ALCAM: variants seen among roughly 807,000 people sequenced by gnomAD.
ALCAM encodes activated leukocyte cell adhesion molecule, also known as CD166 antigen.
ALCAM carries 30 observed loss-of-function variants against 70.9 expected under a neutral mutation model. That is an observed-to-expected ratio of 0.42 (90% CI 0.32 to 0.57). The LOEUF (loss-of-function observed/expected upper bound fraction) is 0.57. Among genes scored for constraint, ALCAM ranks in the 20% least tolerant of loss-of-function variants. The pLI, the probability that ALCAM is intolerant of heterozygous loss-of-function variation, is 0.11. For synonymous variants in ALCAM, 249 were observed against 242.5 expected (o/e 1.03, Z -0.25); for missense variants, 591 against 695.1 (o/e 0.85, Z 1.68).
At chr3:105,448,113 C>T (rs1033641649) in intron 1 of ALCAM, among the ~76,000 whole-genome samples, 1 of 152,066 alleles carries the variant, frequency 6.6e-6, no homozygotes, top group Non-Finnish European at 1.5e-5. Context: ...AAAAATAAGA[C>T]ACATTAGCTA....
chr3:105,489,960 G>T (rs1269475169), intron 1 of ALCAM, among the ~76,000 whole-genome samples: 1 of 152,100 alleles, frequency 6.6e-6, no homozygotes, highest in Non-Finnish European at 1.5e-5. Context: ...TTCCAGTCAT[G>T]CCACTAACAC....
intron 6 of ALCAM, among the ~76,000 whole-genome samples, chr3:105,535,433 G>T (rs1001939405): frequency 3.9e-5 from 6 of 152,174 alleles, no homozygotes; most frequent in Middle Eastern, 6.8e-3. Context: ...TGCTTTCCTT[G>T]TAAGACAGGT....
At chr3:105,547,613 A>C (rs1940284417) in intron 11 of ALCAM, 90 bp downstream of exon 11, 1 of 1,498,318 alleles carries the variant, frequency 6.7e-7, no homozygotes, top group African/African-American at 1.4e-5. Flanking sequence ...GTTTGTTACC[A>C]CATAAAATTT....
chr3:105,529,709 G>GA (rs1364930280), intron 3 of ALCAM, among the ~76,000 whole-genome samples: 1 of 151,944 alleles, frequency 6.6e-6, no homozygotes, highest in Non-Finnish European at 1.5e-5. Flanking sequence ...TCATTTCATT[G>GA]AAAAAATAAG....
chr3:105,481,585 T>C (rs1938272771), intron 1 of ALCAM, among the ~76,000 whole-genome samples: 1 of 152,200 alleles, frequency 6.6e-6, no homozygotes, highest in African/African-American at 2.4e-5. Context: ...TAAGTTTTTC[T>C]TATCTTTTAT....
chr3:105,550,098 T>G (rs1326242283), intron 11 of ALCAM, 29 bp from the exon 12 acceptor site: 1 of 1,561,572 alleles, frequency 6.4e-7, no homozygotes, highest in African/African-American at 1.4e-5. Context: ...TTTTGATTTC[T>G]AAACCCACCT....
In ALCAM at chr3:105,550,275, C is replaced by T. The variant is rs369157455; in HGVS notation, c.1507+16C>T. On this transcript the variant is annotated intron_variant, in intron 12 of 15. Transcript: ENST00000306107. ...GTCTCTGCTAGTGAGTATTTTATTT[C>T]TGGCATTACAAAAGTAAGAAAATTT... 608 of 1,577,314 alleles carry T rather than the reference C, an allele frequency of 3.9e-4. No homozygotes were observed. The highest frequency in any genetic ancestry group is 4.8e-4 in the Non-Finnish European group (561 of 1,165,770).
intron 1 of ALCAM, among the ~76,000 whole-genome samples, chr3:105,483,698 T>A (rs1019589908): frequency 6.6e-6 from 1 of 151,980 alleles, no homozygotes; most frequent in Non-Finnish European, 1.5e-5. Flanking sequence ...GTTGGTATAA[T>A]CTAAACAACT....
chr3:105,400,292 T>C (rs1179788173), intron 1 of ALCAM, among the ~76,000 whole-genome samples: 5 of 152,292 alleles, frequency 3.3e-5, no homozygotes, highest in African/African-American at 1.2e-4. Context: ...ACTTTACTAT[T>C]AGGTTTTGAA....
At chr3:105,372,635 A>G (rs1025003922) in intron 1 of ALCAM, among the ~76,000 whole-genome samples, 2 of 152,114 alleles carry the variant, frequency 1.3e-5, no homozygotes, top group Non-Finnish European at 2.9e-5. Context: ...AGGTACTTCA[A>G]TGAACATGTC....
rs1939852058 is a variant in ALCAM at position 105,532,030 on chromosome 3, C to T, written c.423C>T (p.Ser141=). Residue 141 remains serine, a synonymous_variant, in exon 4 of 16, where the codon AGC becomes AGT. Transcript: ENST00000306107. ...FKQPSKPEIV[S]KALFLETEQL... ...AACCATCTAAACCTGAAATTGTAAG[C>T]AAAGCACTGTTTCTCGAAACAGAGC... 1 of 1,613,288 alleles carries T rather than the reference C, an allele frequency of 6.2e-7. No homozygotes were observed. The highest frequency in any genetic ancestry group is 1.3e-5 in the African/African-American group (1 of 74,876).
intron 1 of ALCAM, among the ~76,000 whole-genome samples, chr3:105,449,640 T>G (rs1353340725): frequency 6.6e-6 from 1 of 152,170 alleles, no homozygotes. Flanking sequence ...CTATTAGCAA[T>G]CCCTCGTCCC....
intron 15 of ALCAM, 71 bp downstream of exon 15, chr3:105,572,035 C>T: frequency 1.2e-6 from 1 of 856,434 alleles, no homozygotes; most frequent in Admixed American, 2.7e-5. Flanking sequence ...AGATGAAGTC[C>T]TTTATGTTAA....
rs1163627495 is a variant in ALCAM at position 105,490,356 on chromosome 3, G to A, written c.74-29711G>A. ...CTTTAACCGTTAAGGAAAGAAACTG[G>A]TGTATAAATAAAGATATCTGTTCAG... On this transcript the variant is annotated intron_variant, in intron 1 of 15. Coordinates refer to ENST00000306107, the MANE Select transcript of ALCAM (RefSeq NM_001627.4). Among the ~76,000 whole-genome samples the A allele has an allele frequency of 3.9e-5, 6 of 152,318 alleles. No individual in the cohort carries two copies. In the East Asian group the frequency reaches 9.6e-4, roughly 24 times the overall value.
chr3:105,535,472 A>C (rs1939947877), intron 6 of ALCAM, among the ~76,000 whole-genome samples: 2 of 152,082 alleles, frequency 1.3e-5, no homozygotes, highest in African/African-American at 4.8e-5. Context: ...TTAGAAGCAA[A>C]AATTCTGGAA....
intron 1 of ALCAM, among the ~76,000 whole-genome samples, chr3:105,483,306 A>G (rs2152608222): frequency 6.6e-6 from 1 of 152,280 alleles, no homozygotes; most frequent in East Asian, 1.9e-4. Context: ...TTAGGCATTA[A>G]AGTGAGCTGT....
intron 14 of ALCAM, among the ~76,000 whole-genome samples, chr3:105,568,445 A>G (rs899230033): frequency 5.9e-5 from 9 of 152,096 alleles, no homozygotes; most frequent in Admixed American, 2.0e-4. Flanking sequence ...TTCAGTACCA[A>G]GACTGATGTG....
chr3:105,503,402 T>C (rs7648171), intron 1 of ALCAM, among the ~76,000 whole-genome samples: 46,618 of 152,094 alleles, frequency 0.31, 8,244 homozygotes, highest in African/African-American at 0.49. Flanking sequence ...AACTTTGTAG[T>C]TGAAAAATGC....
At chr3:105,558,079 A>T (rs184425999) in intron 14 of ALCAM, among the ~76,000 whole-genome samples, 191 of 152,226 alleles carry the variant, frequency 1.3e-3, no homozygotes, top group Middle Eastern at 3.4e-3. Flanking sequence ...AAGAAGGGGA[A>T]AAAATAACCA....
Sources: allele counts gnomAD v4.1 joint callset (sites outside exome capture counted in the v4.1 genomes callset), GRCh38; gene constraint gnomAD v4.1.1; transcripts MANE v1.5; gene names NCBI Gene and HGNC (gene_info 2026-07-23, HGNC 2026-07-21).